TSPAN11: variants seen among roughly 807,000 people sequenced by gnomAD.
TSPAN11 encodes the protein tetraspanin-11.
In TSPAN11, 29 loss-of-function variants were observed where a neutral mutation model predicts 32.9. The ratio of observed to expected loss-of-function variants is 0.88; its 90% CI spans 0.66 to 1.20. The LOEUF is 1.20. TSPAN11 is among the 50% of genes most tolerant of loss of function. The pLI, the probability that TSPAN11 is intolerant of heterozygous loss-of-function variation, is 0.00. For synonymous variants in TSPAN11, 140 were observed against 141.3 expected, an observed-to-expected ratio of 0.99 and a Z score of 0.07; for missense variants, 283 against 329.1, an observed-to-expected ratio of 0.86 and a Z score of 1.08.
intron 1 of TSPAN11, among the ~76,000 whole-genome samples, chr12:30,949,512 A>T (rs1938337648): frequency 6.6e-6 from 1 of 152,184 alleles, no homozygotes; most frequent in Non-Finnish European, 1.5e-5. Flanking sequence ...AACCCATCAG[A>T]TCTCGTGAGA....
chr12:30,954,777 T>C (rs931558805), intron 2 of TSPAN11: 3 of 152,254 alleles, frequency 2.0e-5, no homozygotes, highest in Non-Finnish European at 4.4e-5. Flanking sequence ...TGACTACTAA[T>C]GGTGGAGCCT....
intron 1 of TSPAN11, among the ~76,000 whole-genome samples, chr12:30,936,671 CACTT>C (rs1156898108): frequency 1.3e-5 from 2 of 152,104 alleles, no homozygotes; most frequent in Non-Finnish European, 2.9e-5. Context: ...GATGGAGCGT[CACTT>C]ACTGAGATTA....
the TSPAN11 span, among the ~76,000 whole-genome samples, chr12:31,010,484 AGGGTGG>A: frequency 6.6e-6 from 1 of 152,134 alleles, no homozygotes; most frequent in Admixed American, 6.5e-5. Flanking sequence ...GGGTAGGCTC[AGGGTGG>A]GCAACTTTAA....
intron 1 of TSPAN11, among the ~76,000 whole-genome samples, chr12:30,930,659 G>C (rs1937901753): frequency 6.6e-6 from 1 of 152,224 alleles, no homozygotes; most frequent in Admixed American, 6.5e-5. Context: ...GGAGCGCCCA[G>C]GTATCTGATG....
intron 1 of TSPAN11, among the ~76,000 whole-genome samples, chr12:30,945,642 T>A (rs2140278414): frequency 6.6e-6 from 1 of 151,362 alleles, no homozygotes; most frequent in South Asian, 2.1e-4. Flanking sequence ...TTTCTACATG[T>A]CCCTTGTCTT....
At chr12:30,984,030 C>T (rs1939150226) in intron 7 of TSPAN11, among the ~76,000 whole-genome samples, 2 of 152,174 alleles carry the variant, frequency 1.3e-5, no homozygotes, top group Admixed American at 6.5e-5. Flanking sequence ...CAGGGTGACA[C>T]TCTTGGGTTA....
At chr12:30,982,713 G>C (rs1322712198) in intron 6 of TSPAN11, 23 bp downstream of exon 6, 4 of 1,535,670 alleles carry the variant, frequency 2.6e-6, no homozygotes, top group Non-Finnish European at 3.5e-6. Flanking sequence ...GCTCAAGTTG[G>C]GGGTGAGGAG....
intron 7 of TSPAN11, among the ~76,000 whole-genome samples, chr12:30,985,057 T>C (rs1592496340): frequency 6.6e-6 from 1 of 151,970 alleles, no homozygotes; most frequent in Non-Finnish European, 1.5e-5. Context: ...CAGTGCAGGG[T>C]CCTTGGAAAC....
chr12:31,005,733 C>T, the TSPAN11 span: 7 of 157,424 alleles, frequency 4.4e-5, no homozygotes, highest in Admixed American at 2.6e-4. Flanking sequence ...AGTAGAGGAG[C>T]GGGGAGTGGG....
chr12:30,998,082 C>T (rs1939440872), downstream of TSPAN11, among the ~76,000 whole-genome samples: 1 of 152,236 alleles, frequency 6.6e-6, no homozygotes, highest in Non-Finnish European at 1.5e-5. Context: ...CTCCCCTCCA[C>T]CATCACTATG....
chr12:31,012,454 TC>T, the TSPAN11 span: 1 of 153,066 alleles, frequency 6.5e-6, no homozygotes, highest in Non-Finnish European at 1.5e-5. Context: ...ACTCCTCTGC[TC>T]CCCCTGCCGG....
intron 1 of TSPAN11, among the ~76,000 whole-genome samples, chr12:30,941,838 T>A (rs1026755932): frequency 6.6e-6 from 1 of 152,258 alleles, no homozygotes; most frequent in African/African-American, 2.4e-5. Context: ...TTGCTGCGCC[T>A]TGCTTCCATC....
chr12:30,929,265 C>G (rs140334690), intron 1 of TSPAN11, among the ~76,000 whole-genome samples: 1 of 152,170 alleles, frequency 6.6e-6, no homozygotes, highest in East Asian at 1.9e-4. Flanking sequence ...GGAAGAAATC[C>G]GCACTTGACC....
intron 2 of TSPAN11, among the ~76,000 whole-genome samples, chr12:30,957,376 C>CT (rs1017098425): frequency 2.0e-5 from 3 of 152,112 alleles, no homozygotes; most frequent in African/African-American, 7.2e-5. Context: ...GGGATAACCC[C>CT]TTCTAGCTGC....
chr12:30,979,539 T>C (rs986775306), intron 4 of TSPAN11, 27 bp from the exon 5 acceptor site: 1 of 1,610,998 alleles, frequency 6.2e-7, no homozygotes. Flanking sequence ...GTCCCGCTGA[T>C]GGGGACTTCG....
intron 3 of TSPAN11, among the ~76,000 whole-genome samples, chr12:30,972,178 C>T (rs1429273662): frequency 2.6e-5 from 4 of 152,140 alleles, no homozygotes; most frequent in African/African-American, 9.7e-5. Context: ...CAGCCCTGGA[C>T]CTGCAGGGGC....
chr12:30,940,172 G>GTTTCACTTCTC (rs1185458211), intron 1 of TSPAN11, among the ~76,000 whole-genome samples: 1 of 152,238 alleles, frequency 6.6e-6, no homozygotes, highest in African/African-American at 2.4e-5. Context: ...AATGGCCTGA[G>GTTTCACTTCTC]TTTCACTTCT....
At chr12:30,957,421 C>G (rs1469687435) in intron 2 of TSPAN11, among the ~76,000 whole-genome samples, 1 of 152,126 alleles carries the variant, frequency 6.6e-6, no homozygotes, top group Non-Finnish European at 1.5e-5. Context: ...CCTGCTGTAG[C>G]CCAGACACCA....
At chr12:30,988,278 T>C (rs35081) in intron 7 of TSPAN11, among the ~76,000 whole-genome samples, 80,731 of 152,036 alleles carry the variant, frequency 0.53, 23,251 homozygotes, top group East Asian at 0.83. Flanking sequence ...CCTGGCTGCA[T>C]GCTAGAGTAG....
Sources: allele counts gnomAD v4.1 joint callset (sites outside exome capture counted in the v4.1 genomes callset), GRCh38; gene constraint gnomAD v4.1.1; transcripts MANE v1.5; gene names NCBI Gene and HGNC (gene_info 2026-07-23, HGNC 2026-07-21).